Variants in BICRAL observed in about 807,000 individuals in gnomAD.
The protein encoded by BICRAL is BRD4-interacting chromatin-remodeling complex-associated protein-like.
BICRAL carries 8 observed loss-of-function variants against 91.8 expected under a neutral mutation model. The ratio of observed to expected loss-of-function variants is 0.09; its 90% confidence interval spans 0.05 to 0.16. BICRAL has a LOEUF of 0.16. BICRAL is among the 10% of genes least tolerant of loss of function. BICRAL has a pLI of 1.00. For missense variants in BICRAL, 1,038 were observed against 1,310.9 expected (o/e 0.79, Z 3.21); for synonymous variants, 445 against 491.1 (o/e 0.91, Z 1.24).
intron 1 of BICRAL, among the ~76,000 whole-genome samples, chr6:42,789,066 A>G (rs1763191173): frequency 6.6e-6 from 1 of 152,190 alleles, no homozygotes; most frequent in Non-Finnish European, 1.5e-5. Flanking sequence ...TTGAAATGTT[A>G]GCTGAGTAGG....
At chr6:42,774,696 T>C (rs1762785736) in intron 1 of BICRAL, among the ~76,000 whole-genome samples, 1 of 152,148 alleles carries the variant, frequency 6.6e-6, no homozygotes, top group Non-Finnish European at 1.5e-5. Context: ...GAACTAGTAA[T>C]TGGAAGATTT....
intron 1 of BICRAL, among the ~76,000 whole-genome samples, chr6:42,783,719 C>T (rs3800291): frequency 0.54 from 81,881 of 152,136 alleles, 23,869 homozygotes; most frequent in Middle Eastern, 0.67. Context: ...CAGCTTCTTC[C>T]TCCTAACCAC....
chr6:42,795,251 C>A (rs948998933), intron 1 of BICRAL, among the ~76,000 whole-genome samples: 2 of 152,012 alleles, frequency 1.3e-5, no homozygotes, highest in African/African-American at 4.8e-5. Context: ...GCCAACATGG[C>A]GAGACCCCGT....
At position 42,864,788 on chromosome 6, in the gene BICRAL, G is replaced by T; in HGVS notation, c.2582G>T (p.Gly861Val). 6.2e-7 allele frequency: 1 copy of T among 1,614,168 alleles called. No homozygotes were observed. Residue 861 changes from glycine (G) to valine (V), a missense_variant, in exon 13 of 13, where the codon GGC (glycine) becomes GTC (valine). Around this residue, in one of 5 missense-constraint regions of BICRAL, gnomAD observed 294 missense variants for 292.6 expected, o/e 1.00. Coordinates refer to ENST00000314073, the MANE Select transcript of BICRAL (RefSeq NM_001393499.1). ...SSLQPPAKAQ[G>V]RDRAKTGVTE... Reference sequence around the variant, plus strand: ...CTGCAACCGCCAGCCAAGGCCCAAGGCAGAGACCGAGCCAAAACCGGTGTG... The same window carrying T: ...CTGCAACCGCCAGCCAAGGCCCAAGTCAGAGACCGAGCCAAAACCGGTGTG...
At chr6:42,853,349 C>G (rs2114019885) in intron 7 of BICRAL, among the ~76,000 whole-genome samples, 1 of 152,250 alleles carries the variant, frequency 6.6e-6, no homozygotes, top group Non-Finnish European at 1.5e-5. Context: ...TGACAGATTA[C>G]TGGCTTGAGG....
At chr6:42,852,550 T>C (rs923673578) in intron 7 of BICRAL, 34 of 379,326 alleles carry the variant, frequency 9.0e-5, no homozygotes, top group African/African-American at 7.0e-4. Context: ...TAATCCCAGC[T>C]ACTCAGGAGG....
intron 9 of BICRAL, among the ~76,000 whole-genome samples, chr6:42,856,437 C>T (rs781693022): frequency 6.9e-4 from 84 of 122,370 alleles, no homozygotes; most frequent in South Asian, 7.9e-4. Context: ...TGCAGTGGGA[C>T]GATCTCGGCT....
At chr6:42,833,170 C>T (rs1755428396) in intron 6 of BICRAL, among the ~76,000 whole-genome samples, 1 of 151,878 alleles carries the variant, frequency 6.6e-6, no homozygotes, top group South Asian at 2.1e-4. Flanking sequence ...ATTCTCCTGC[C>T]TCAGCCTCCC....
chr6:42,751,100 A>G (rs1239888051), intron 1 of BICRAL, among the ~76,000 whole-genome samples: 1 of 150,782 alleles, frequency 6.6e-6, no homozygotes, highest in Non-Finnish European at 1.5e-5. Context: ...TATTTGAATA[A>G]GGATCCAAAC....
intron 1 of BICRAL, among the ~76,000 whole-genome samples, chr6:42,802,090 C>A (rs1763589945): frequency 6.6e-6 from 1 of 151,964 alleles, no homozygotes; most frequent in Admixed American, 6.6e-5. Flanking sequence ...GCCTGGGCAA[C>A]ATGGTGAGCA....
In BICRAL at chr6:42,845,195, G is replaced by GGTTTTTTTT. The variant is rs1562490931; in HGVS notation, c.1840-6897_1840-6896insGTTTTTTTT. Among the ~76,000 whole-genome samples the GGTTTTTTTT allele has an allele frequency of 3.5e-3, 89 of 25,616 alleles. 23 individuals carry two copies. The highest frequency in any genetic ancestry group is 6.0e-3 in the East Asian group (5 of 832). The allele number at this position is 25,616 out of a possible 152,430, so 16.8% of individuals were successfully genotyped here. On this transcript the variant is annotated intron_variant, in intron 6 of 12. Coordinates refer to ENST00000314073, the MANE Select transcript of BICRAL (RefSeq NM_001393499.1). ...CTTCTCTGTTTTTTGTTTTTTGGGT[G>GGTTTTTTTT]TTTTTTTTTTTTTTTTTTTTTTTTT...
In BICRAL at chr6:42,856,919, C is replaced by T. The variant is rs958565296; in HGVS notation, c.2109-172C>T. Among the ~76,000 whole-genome samples the T allele has an allele frequency of 2.6e-5, 4 of 152,216 alleles. No individual in the cohort carries two copies. In the East Asian group the frequency reaches 7.7e-4, roughly 29 times the overall value. On this transcript the variant is annotated intron_variant, in intron 9 of 12. Coordinates refer to ENST00000314073, the MANE Select transcript of BICRAL (RefSeq NM_001393499.1). ...AGGTCAGGGTCATAGTTTGAGTCCTCTGTGGGGCTAGTTAAACTAAGTTAT... is the reference window on the plus strand; with the variant it reads ...AGGTCAGGGTCATAGTTTGAGTCCTTTGTGGGGCTAGTTAAACTAAGTTAT...
At chr6:42,804,265 G>A (rs951615442) in intron 1 of BICRAL, among the ~76,000 whole-genome samples, 3 of 152,090 alleles carry the variant, frequency 2.0e-5, no homozygotes, top group East Asian at 3.9e-4. Flanking sequence ...CAGGTGAACC[G>A]CCCACCTCAG....
At chr6:42,816,819 C>T (rs545176369) in intron 2 of BICRAL, among the ~76,000 whole-genome samples, 1 of 151,808 alleles carries the variant, frequency 6.6e-6, no homozygotes, top group East Asian at 1.9e-4. Context: ...TCAAGACCAT[C>T]CTGGCTAACA....
intron 1 of BICRAL, among the ~76,000 whole-genome samples, chr6:42,809,745 GAATTAT>G (rs1312716537): frequency 6.6e-6 from 1 of 151,806 alleles, no homozygotes; most frequent in Non-Finnish European, 1.5e-5. Context: ...CAAAGTGCTG[GAATTAT>G]AAGCCACCGT....
intron 1 of BICRAL, among the ~76,000 whole-genome samples, chr6:42,802,673 C>T (rs1478863882): frequency 6.6e-6 from 1 of 152,146 alleles, no homozygotes; most frequent in Non-Finnish European, 1.5e-5. Context: ...TCTTGAACTT[C>T]TGACCTCAGG....
chr6:42,812,484 A>G (rs1054732773), intron 2 of BICRAL, among the ~76,000 whole-genome samples: 4 of 152,184 alleles, frequency 2.6e-5, no homozygotes, highest in Admixed American at 6.6e-5. Context: ...AAAATAGTGG[A>G]AAGATTAAAC....
At position 42,821,572 on chromosome 6, in the gene BICRAL, C is replaced by CA. The variant is rs538758015; in HGVS notation, c.-5-440dup. 6.9e-3 allele frequency among the ~76,000 whole-genome samples: 1,044 copies of CA among 152,118 alleles called. 4 individuals are homozygous for CA. Among genetic ancestry groups the CA allele is most frequent in the African/African-American group, 0.022 (918 of 41,508 alleles). ...CTTCCTAAAGATAGCCAGAATATGG[C>CA]AAAAAATGTAGGTTGCTCACCATGT... is the stretch of plus-strand genomic sequence containing the variant. On this transcript the variant is annotated intron_variant, in intron 2 of 12. Transcript: ENST00000314073.
intron 6 of BICRAL, among the ~76,000 whole-genome samples, chr6:42,832,065 C>T (rs913447405): frequency 3.3e-5 from 5 of 151,326 alleles, no homozygotes; most frequent in African/African-American, 9.7e-5. Context: ...ATATATATAT[C>T]GGCCAGGAGC....
Sources: allele counts gnomAD v4.1 joint callset (sites outside exome capture counted in the v4.1 genomes callset), GRCh38; gene constraint gnomAD v4.1.1; regional missense constraint gnomAD v4.1.1; transcripts MANE v1.5; gene names NCBI Gene and HGNC (gene_info 2026-07-23, HGNC 2026-07-21).